The following SMYD3 variants were observed in gnomAD, a reference collection of about 807,000 sequenced individuals.
The protein encoded by SMYD3 is SET and MYND domain containing 3, also known as histone-lysine N-methyltransferase SMYD3.
In SMYD3, 36 loss-of-function variants were observed where a neutral mutation model predicts 57.7. That is an observed-to-expected ratio of 0.62 (90% CI 0.48 to 0.82). SMYD3 has a LOEUF of 0.82. Among genes scored for constraint, SMYD3 ranks in the 40% least tolerant of loss-of-function variants. The pLI is 0.00. For synonymous variants in SMYD3, 211 were observed against 195.0 expected, an observed-to-expected ratio of 1.08 and a Z score of -0.68; for missense variants, 515 against 538.8, an observed-to-expected ratio of 0.96 and a Z score of 0.44.
chr1:246,344,994 A>C (rs2148687101), intron 2 of SMYD3, among the ~76,000 whole-genome samples: 1 of 152,304 alleles, frequency 6.6e-6, no homozygotes, highest in Non-Finnish European at 1.5e-5. Flanking sequence ...AGAGAAAAGG[A>C]GGGAAACAGG....
chr1:246,248,746 A>G (rs542546410), intron 5 of SMYD3, among the ~76,000 whole-genome samples: 134 of 135,900 alleles, frequency 9.9e-4, no homozygotes, highest in Non-Finnish European at 1.8e-3. Context: ...GGTTCACGCC[A>G]TTGTCCTGCC....
chr1:246,028,225 G>A (rs2059609678), intron 5 of SMYD3, among the ~76,000 whole-genome samples: 1 of 152,184 alleles, frequency 6.6e-6, no homozygotes, highest in East Asian at 1.9e-4. Context: ...ATAATGAGTA[G>A]TGGAAGTCCT....
chr1:246,107,257 A>G (rs1174522077), intron 5 of SMYD3, among the ~76,000 whole-genome samples: 1 of 152,012 alleles, frequency 6.6e-6, no homozygotes, highest in Non-Finnish European at 1.5e-5. Flanking sequence ...ACTGCACTCC[A>G]GCCTGGGTGA....
intron 1 of SMYD3, among the ~76,000 whole-genome samples, chr1:246,392,740 T>C (rs1188475936): frequency 4.0e-5 from 6 of 150,160 alleles, no homozygotes; most frequent in Non-Finnish European, 5.9e-5. Context: ...GAGCCCACCA[T>C]GCCTGGCCTT....
chr1:246,006,952 G>A (rs757886071), intron 5 of SMYD3, among the ~76,000 whole-genome samples: 3 of 152,204 alleles, frequency 2.0e-5, no homozygotes, highest in Non-Finnish European at 2.9e-5. Context: ...ATGGGCAGGA[G>A]CTGGACTGCT....
At chr1:245,766,232 G>C (rs1206704892) in intron 10 of SMYD3, among the ~76,000 whole-genome samples, 2 of 151,694 alleles carry the variant, frequency 1.3e-5, no homozygotes, top group Non-Finnish European at 2.9e-5. Context: ...GTGAAACCCC[G>C]CCTCTACTAA....
At chr1:245,884,589 T>C (rs2052977308) in intron 8 of SMYD3, among the ~76,000 whole-genome samples, 1 of 152,002 alleles carries the variant, frequency 6.6e-6, no homozygotes, top group Non-Finnish European at 1.5e-5. Context: ...ATCTGGGAGG[T>C]AGCCATGTTG....
intron 1 of SMYD3, among the ~76,000 whole-genome samples, chr1:246,424,703 C>T (rs931865486): frequency 6.6e-5 from 10 of 152,154 alleles, no homozygotes; most frequent in African/African-American, 2.4e-4. Context: ...CTGATAATAT[C>T]TTCTCACTCA....
chr1:246,199,755 G>A (rs574909131), intron 5 of SMYD3, among the ~76,000 whole-genome samples: 10 of 152,340 alleles, frequency 6.6e-5, no homozygotes, highest in Middle Eastern at 3.4e-3. Context: ...AAGTAAACAC[G>A]GAGATGCTAT....
At chr1:245,793,300 CAA>C (rs35711386) in intron 10 of SMYD3, among the ~76,000 whole-genome samples, 2 of 137,662 alleles carry the variant, frequency 1.5e-5, no homozygotes, top group East Asian at 2.1e-4. Context: ...GACTCCGTCC[CAA>C]AAAAAAAAAC....
At chr1:245,784,080 AT>A (rs1358218223) in intron 10 of SMYD3, among the ~76,000 whole-genome samples, 1 of 152,242 alleles carries the variant, frequency 6.6e-6, no homozygotes, top group Non-Finnish European at 1.5e-5. Context: ...AGCTAGCACA[AT>A]TTTGGAAAAG....
chr1:246,365,662 C>G (rs902990326), intron 1 of SMYD3, among the ~76,000 whole-genome samples: 2 of 151,970 alleles, frequency 1.3e-5, no homozygotes, highest in Non-Finnish European at 2.9e-5. Context: ...ATCACCACTC[C>G]CCACCCTGGA....
intron 1 of SMYD3, among the ~76,000 whole-genome samples, chr1:246,392,105 C>T (rs1263555391): frequency 6.6e-6 from 1 of 152,160 alleles, no homozygotes; most frequent in Non-Finnish European, 1.5e-5. Context: ...AGACTTTCAT[C>T]CTTTTTTTTT....
In SMYD3 at chr1:246,014,120, C is replaced by T. The variant is rs1233045884; in HGVS notation, c.532-84183G>A. The stretch of plus-strand genomic sequence containing the variant: ...TGGGCGGATCATGAGGTCGGGTGTT[C>T]GAGACCAGCCTGGCCAACATGGCGA... On this transcript the variant is annotated intron_variant, in intron 5 of 11. Coordinates refer to ENST00000490107, the MANE Select transcript of SMYD3 (RefSeq NM_001167740.2). 3.9e-5 allele frequency among the ~76,000 whole-genome samples: 6 copies of T among 152,268 alleles called. No homozygotes were observed. The East Asian group carries it at 5.8e-4, about 15-fold the overall frequency.
intron 5 of SMYD3, among the ~76,000 whole-genome samples, chr1:246,049,950 T>C (rs1475576205): frequency 2.0e-5 from 3 of 152,150 alleles, no homozygotes; most frequent in African/African-American, 4.8e-5. Context: ...TCAATAGACG[T>C]AGTAAATACT....
At chr1:246,473,904 T>C (rs2067993085) in intron 1 of SMYD3, among the ~76,000 whole-genome samples, 1 of 152,192 alleles carries the variant, frequency 6.6e-6, no homozygotes, top group Admixed American at 6.5e-5. Flanking sequence ...CAGCCGATTG[T>C]TGCCATCTAC....
chr1:246,160,603 G>A (rs770906929), intron 5 of SMYD3, among the ~76,000 whole-genome samples: 5 of 152,206 alleles, frequency 3.3e-5, no homozygotes, highest in Non-Finnish European at 7.3e-5. Flanking sequence ...GTTTCCCGAG[G>A]AATCAGAGAA....
intron 5 of SMYD3, among the ~76,000 whole-genome samples, chr1:246,164,649 T>G (rs1253202415): frequency 1.3e-5 from 2 of 152,178 alleles, no homozygotes; most frequent in African/African-American, 4.8e-5. Flanking sequence ...TCATTTTGGG[T>G]GAGCCACTTG....
At chr1:246,244,032 T>C (rs1390832767) in intron 5 of SMYD3, among the ~76,000 whole-genome samples, 1 of 122,456 alleles carries the variant, frequency 8.2e-6, no homozygotes, top group Non-Finnish European at 1.7e-5. Flanking sequence ...TGTATATATA[T>C]ATTTTAACAT....
Sources: allele counts gnomAD v4.1 joint callset (sites outside exome capture counted in the v4.1 genomes callset), GRCh38; gene constraint gnomAD v4.1.1; transcripts MANE v1.5; gene names NCBI Gene and HGNC (gene_info 2026-07-23, HGNC 2026-07-21).